The following EIF4A3 variants were observed in gnomAD, a reference collection of about 807,000 sequenced individuals.
EIF4A3 encodes the protein eukaryotic initiation factor 4A-III.
In EIF4A3, 1 loss-of-function variant was observed where a neutral mutation model predicts 55.6. That is an observed-to-expected ratio of 0.02 (90% CI 0.01 to 0.09). The LOEUF is 0.09. Among genes scored for constraint, EIF4A3 ranks in the 10% least tolerant of loss-of-function variants. The pLI is 1.00. For synonymous variants in EIF4A3, 194 were observed against 196.3 expected (o/e 0.99, Z 0.10); for missense variants, 221 against 540.7 (o/e 0.41, Z 5.86).
chr17:80,139,930 C>T (rs920796870), intron 5 of EIF4A3, 78 bp downstream of exon 5: 17 of 1,557,920 alleles, frequency 1.1e-5, no homozygotes, highest in Middle Eastern at 3.5e-4. Flanking sequence ...CCTACCAAAT[C>T]GAAAGCTGTC....
rs764359790 is a variant in EIF4A3, at chr17:80,143,870, C to T, written c.242+302G>A. Among the ~76,000 whole-genome samples, 72 of 152,050 alleles carry T rather than the reference C, an allele frequency of 4.7e-4. 4 individuals carry two copies. The highest frequency in any genetic ancestry group is 2.9e-5 in the Non-Finnish European group (2 of 68,000). The stretch of plus-strand genomic sequence containing the variant: ...TGGTGCATGCCTGTAATCCCAGCTA[C>T]TTGGGAGGGTGAGGCAGGAGAATAG... On this transcript the variant is annotated intron_variant, in intron 2 of 11. Coordinates refer to ENST00000649764, the MANE Select transcript of EIF4A3 (RefSeq NM_014740.4).
chr17:80,145,545 C>A (rs1476429589), intron 1 of EIF4A3, among the ~76,000 whole-genome samples: 1 of 152,100 alleles, frequency 6.6e-6, no homozygotes, highest in Non-Finnish European at 1.5e-5. Context: ...GCCTTGGTGA[C>A]AAGAGCAGGA....
Position 80,140,920 on chromosome 17 carries a change from C to T in EIF4A3, c.372+399G>A, listed in dbSNP as rs1236695188. On this transcript the variant is annotated intron_variant, in intron 4 of 11. Transcript: ENST00000649764. ...CAAGTGATTCTCCTGCTCAGCCACCCAAGTAGCTGGGATTACAGGCGCCTG... is the reference window on the plus strand; with the variant it reads ...CAAGTGATTCTCCTGCTCAGCCACCTAAGTAGCTGGGATTACAGGCGCCTG... 1.1e-4 allele frequency among the ~76,000 whole-genome samples: 16 copies of T among 151,982 alleles called. No individual in the cohort carries two copies. The South Asian group carries it at 3.1e-3, about 30-fold the overall frequency.
intron 3 of EIF4A3, 103 bp downstream of exon 3, chr17:80,141,679 C>T: frequency 8.2e-7 from 1 of 1,220,766 alleles, no homozygotes; most frequent in South Asian, 1.4e-5. Context: ...TCAATACATA[C>T]TAGAAAATTT....
intron 11 of EIF4A3, 158 bp from the exon 12 acceptor site, chr17:80,135,664 G>A (rs1373239753): frequency 1.5e-6 from 1 of 673,460 alleles, no homozygotes; most frequent in Admixed American, 3.0e-5. Context: ...GGGAGGCTGA[G>A]GTGGGCAGAT....
At chr17:80,141,626 T>C in intron 3 of EIF4A3, 156 bp downstream of exon 3, 1 of 739,718 alleles carries the variant, frequency 1.4e-6, no homozygotes, top group Non-Finnish European at 2.2e-6. Flanking sequence ...TATTAGTGCA[T>C]ATATTAGTGT....
At chr17:80,140,298 A>G (rs2039606727) in intron 4 of EIF4A3, 158 bp from the exon 5 acceptor site, 1 of 1,018,876 alleles carries the variant, frequency 9.8e-7, no homozygotes, top group Admixed American at 3.9e-5. Context: ...CTCTGACAAA[A>G]ACAAGTTAAT....
chr17:80,141,638 C>T, intron 3 of EIF4A3, 144 bp downstream of exon 3: 1 of 795,726 alleles, frequency 1.3e-6, no homozygotes, highest in Non-Finnish European at 2.0e-6. Flanking sequence ...TATTAGTGTA[C>T]AACTAAGACT....
At position 80,134,824 on chromosome 17, in the gene EIF4A3, G is replaced by A. The variant is rs2039556821; in HGVS notation, c.*666C>T. 6.6e-6 allele frequency among the ~76,000 whole-genome samples: 1 copy of A among 151,878 alleles called. No individual in the cohort carries two copies. Among genetic ancestry groups the A allele is most frequent in the South Asian group, 2.1e-4 (1 of 4,814 alleles). On this transcript the variant is annotated 3_prime_UTR_variant, in exon 12 of 12. Coordinates refer to ENST00000649764, the MANE Select transcript of EIF4A3 (RefSeq NM_014740.4). ...GGGCAGCAGAGCAAAACTCATCAAC[G>A]ATGAAACTCTTTCCAAAAAAAAAGA...
rs1598603817 is a variant in EIF4A3, at chr17:80,137,595, T to A, written c.868-94A>T. 6.5e-5 allele frequency: 60 copies of A among 925,172 alleles called. No individual in the cohort carries two copies. The East Asian group carries it at 1.6e-3, about 25-fold the overall frequency. The allele number at this position is 925,172 out of a possible 1,614,324, so 57.3% of individuals were successfully genotyped here. A position where few individuals can be genotyped will look rare whatever the true frequency, so the allele number is the denominator to read the frequency against. On this transcript the variant is annotated intron_variant, in intron 8 of 11. Transcript: ENST00000649764. ...TACCGCATCATTTGCAGAACCAGTA[T>A]CAATATTCGTAAGGTAACTGCTCTT...
At chr17:80,140,313 CTTTTTTT>C (rs34707524) in intron 4 of EIF4A3, 173 bp from the exon 5 acceptor site, 15 of 419,764 alleles carry the variant, frequency 3.6e-5, no homozygotes, top group East Asian at 1.2e-4. Context: ...GTTAATTTTG[CTTTTTTT>C]TTTTTTTTTT....
chr17:80,141,691 A>C, intron 3 of EIF4A3, 91 bp downstream of exon 3: 1 of 1,356,602 alleles, frequency 7.4e-7, no homozygotes, highest in South Asian at 1.3e-5. Flanking sequence ...AGAAAATTTT[A>C]AATTGTACTT....
intron 8 of EIF4A3, 127 bp from the exon 9 acceptor site, chr17:80,137,628 A>AGGC: frequency 6.9e-6 from 5 of 724,168 alleles, no homozygotes; most frequent in Non-Finnish European, 1.1e-5. Flanking sequence ...CTTAAAACTC[A>AGGC]GAATCATCCT....
At chr17:80,138,811 T>A (rs4243251) in intron 7 of EIF4A3, 161,182 of 613,934 alleles carry the variant, frequency 0.26, 22,116 homozygotes, top group East Asian at 0.39. Flanking sequence ...GCCCAGCCTA[T>A]TTGGTTTTTT....
At chr17:80,142,079 G>C (rs74003639) in intron 2 of EIF4A3, among the ~76,000 whole-genome samples, 2 of 152,204 alleles carry the variant, frequency 1.3e-5, no homozygotes, top group Non-Finnish European at 2.9e-5. Flanking sequence ...TGGAGCCACA[G>C]ACTCTCTAAC....
chr17:80,135,931 C>A lies in EIF4A3; in HGVS notation c.1219+73G>T, dbSNP rs1199118454. ...AAAAAAACCCACAACAACAAAAAAACAAACTCAGGTGCCCCAAACTAAGAA... is the reference window on the plus strand; with the variant it reads ...AAAAAAACCCACAACAACAAAAAAAAAAACTCAGGTGCCCCAAACTAAGAA... On this transcript the variant is annotated intron_variant, in intron 11 of 11. Transcript: ENST00000649764. 4 of 1,551,508 alleles carry A rather than the reference C, an allele frequency of 2.6e-6. No individual in the cohort carries two copies. The African/African-American group carries it at 4.2e-5, about 16-fold the overall frequency.
chr17:80,141,712 G>A (rs2039620654), intron 3 of EIF4A3, 70 bp downstream of exon 3: 2 of 1,473,170 alleles, frequency 1.4e-6, no homozygotes, highest in Non-Finnish European at 9.5e-7. Flanking sequence ...TTTGAACACT[G>A]TAGTTACAGA....
intron 7 of EIF4A3, chr17:80,138,789 T>G (rs2039594141): frequency 1.9e-6 from 1 of 522,110 alleles, no homozygotes; most frequent in Non-Finnish European, 3.4e-6. Flanking sequence ...AGAGATACGG[T>G]CTCTATATGT....
chr17:80,139,985 T>A, intron 5 of EIF4A3, 23 bp downstream of exon 5: 1 of 1,605,770 alleles, frequency 6.2e-7, no homozygotes. Flanking sequence ...GGCAGCACCA[T>A]TTTTAGCGAC....
Sources: gnomAD v4.1 joint callset for allele counts (sites outside exome capture counted in the v4.1 genomes callset) on GRCh38, gnomAD v4.1.1 for gene constraint, MANE v1.5 for transcripts, NCBI Gene and HGNC (gene_info 2026-07-23, HGNC 2026-07-21) for gene names.